Variants in ERG observed in about 807,000 individuals in gnomAD.
ERG encodes transcriptional regulator ERG.
Under a neutral mutation model 55.3 loss-of-function variants are expected in ERG, and 9 were observed. The observed-to-expected ratio is 0.16, with a 90% CI of 0.10 to 0.28. The LOEUF (loss-of-function observed/expected upper bound fraction) is 0.28. Among genes scored for constraint, ERG ranks in the 10% least tolerant of loss-of-function variants. The probability of loss-of-function intolerance (pLI) is 1.00; values close to 1 mark genes in which losing one functional copy is unlikely to be tolerated. For missense variants in ERG, 434 were observed against 631.6 expected (o/e 0.69, Z 3.35); for synonymous variants, 223 against 237.3 (o/e 0.94, Z 0.55).
intron 2 of ERG, among the ~76,000 whole-genome samples, chr21:38,556,953 G>A (rs1323484238): frequency 6.6e-6 from 1 of 152,140 alleles, no homozygotes; most frequent in Non-Finnish European, 1.5e-5. Flanking sequence ...CCTCAGCAGA[G>A]CCTAACCCAA....
Position 38,617,294 on chromosome 21 carries a change from A to T in ERG, c.-149-32349T>A, listed in dbSNP as rs1209012671. 1.3e-5 allele frequency among the ~76,000 whole-genome samples: 2 copies of T among 152,234 alleles called. 1 individual carries two copies. On this transcript the variant is annotated intron_variant, in intron 1 of 10. Transcript: ENST00000398910. ...GCTCATGGGGAAACACACCTCAGGC[A>T]TGAGGCACATTTTCTTTTCCAGCCC...
intron 2 of ERG, among the ~76,000 whole-genome samples, chr21:38,531,631 C>T (rs560655064): frequency 2.0e-5 from 3 of 152,296 alleles, no homozygotes; most frequent in East Asian, 1.9e-4. Flanking sequence ...ATATGTAGAA[C>T]AGCGGCAAGC....
At chr21:38,439,181 G>C (rs979417342) in intron 2 of ERG, among the ~76,000 whole-genome samples, 3 of 152,338 alleles carry the variant, frequency 2.0e-5, no homozygotes, top group Middle Eastern at 3.4e-3. Flanking sequence ...AAAGGGGAAG[G>C]TGCCACTTAG....
At chr21:38,569,782 C>T (rs184413181) in intron 2 of ERG, among the ~76,000 whole-genome samples, 203 of 152,090 alleles carry the variant, frequency 1.3e-3, no homozygotes, top group African/African-American at 4.5e-3. Context: ...ACACATATTA[C>T]GTTTCTCTGA....
intron 2 of ERG, among the ~76,000 whole-genome samples, chr21:38,523,228 T>C (rs2059607247): frequency 6.6e-6 from 1 of 152,204 alleles, no homozygotes; most frequent in Admixed American, 6.5e-5. Flanking sequence ...AATGTTTCTA[T>C]CCTGCCTGTG....
intron 2 of ERG, among the ~76,000 whole-genome samples, chr21:38,564,242 C>A (rs1467233720): frequency 1.3e-5 from 2 of 151,756 alleles, no homozygotes; most frequent in African/African-American, 4.8e-5. Flanking sequence ...TCTTTTATAT[C>A]TATTAAACAA....
upstream of ERG, among the ~76,000 whole-genome samples, chr21:38,589,669 G>A (rs1456788964): frequency 6.6e-6 from 1 of 152,194 alleles, no homozygotes; most frequent in East Asian, 1.9e-4. Context: ...ACTTGGAACT[G>A]TGAGAGCCAT....
chr21:38,513,873 T>C (rs1325622896), intron 2 of ERG, among the ~76,000 whole-genome samples: 2 of 152,098 alleles, frequency 1.3e-5, no homozygotes, highest in African/African-American at 2.4e-5. Flanking sequence ...AGATTAGTTA[T>C]GTGTAAGTCA....
chr21:38,443,975 T>C (rs1050653591), intron 2 of ERG, among the ~76,000 whole-genome samples: 2 of 152,146 alleles, frequency 1.3e-5, no homozygotes, highest in Admixed American at 6.5e-5. Flanking sequence ...AAGAAGCAGA[T>C]GCACAGACGC....
rs1305789763 is a variant in ERG, at chr21:38,556,685, C to T, written c.-41+18977G>A. ...TACATGCAATCTTCCATTCTTCTCC[C>T]ACCCACTGGCTGAAAAGAAAGGCTT... On this transcript the variant is annotated intron_variant, in intron 2 of 8. Coordinates refer to the ERG transcript ENST00000398897. Among the ~76,000 whole-genome samples, 5 of 152,210 alleles carry T rather than the reference C, an allele frequency of 3.3e-5. No individual in the cohort carries two copies. In the South Asian group the frequency reaches 1.0e-3, roughly 32 times the overall value.
At chr21:38,559,874 G>A (rs904216084) in intron 2 of ERG, among the ~76,000 whole-genome samples, 1 of 152,066 alleles carries the variant, frequency 6.6e-6, no homozygotes, top group African/African-American at 2.4e-5. Context: ...GTAGAGATGG[G>A]GTTTCACCAT....
intron 2 of ERG, among the ~76,000 whole-genome samples, chr21:38,506,837 C>T (rs895569142): frequency 1.3e-5 from 2 of 152,112 alleles, no homozygotes; most frequent in African/African-American, 4.8e-5. Context: ...AGGCTTCACC[C>T]ACTGCGGTTT....
intron 1 of ERG, among the ~76,000 whole-genome samples, chr21:38,582,353 A>C (rs2060035608): frequency 6.6e-6 from 1 of 152,242 alleles, no homozygotes; most frequent in African/African-American, 2.4e-5. Flanking sequence ...AACTTCCGGT[A>C]GTCAGTGTCA....
At chr21:38,538,392 A>G (rs917642239) in intron 2 of ERG, among the ~76,000 whole-genome samples, 7 of 152,146 alleles carry the variant, frequency 4.6e-5, no homozygotes, top group African/African-American at 1.4e-4. Flanking sequence ...TTAAAAAAAA[A>G]AGAAGATTCC....
intron 1 of ERG, among the ~76,000 whole-genome samples, chr21:38,472,446 T>C (rs1200573574): frequency 6.6e-6 from 1 of 152,204 alleles, no homozygotes; most frequent in Non-Finnish European, 1.5e-5. Flanking sequence ...TATTTTAGGA[T>C]CACCAGTTTA....
chr21:38,390,985 A>C lies in ERG; in HGVS notation c.919+10T>G, dbSNP rs755926846. 3.4e-5 allele frequency: 55 copies of C among 1,609,634 alleles called. No individual in the cohort carries two copies. The highest frequency in any genetic ancestry group is 4.7e-5 in the Non-Finnish European group (55 of 1,176,446). On this transcript the variant is annotated intron_variant, in intron 9 of 9. Coordinates refer to ENST00000288319, the MANE Select transcript of ERG (RefSeq NM_182918.4). Reference sequence around the variant, plus strand: ...ATTTTGTAAGAAGAAAATCATCAGCAGTTTCTCACCTGGATTTGCAAGGCG... The same window carrying C: ...ATTTTGTAAGAAGAAAATCATCAGCCGTTTCTCACCTGGATTTGCAAGGCG...
At chr21:38,522,980 ATGCAT>A (rs565736811) in intron 2 of ERG, among the ~76,000 whole-genome samples, 2 of 152,320 alleles carry the variant, frequency 1.3e-5, no homozygotes, top group East Asian at 3.9e-4. Context: ...TGGGGAAGAA[ATGCAT>A]TGTTCCATAT....
At chr21:38,474,908 C>T (rs1016529958) in intron 1 of ERG, among the ~76,000 whole-genome samples, 10 of 152,300 alleles carry the variant, frequency 6.6e-5, no homozygotes, top group Admixed American at 1.3e-4. Flanking sequence ...TAACATCTAA[C>T]ATTTAATAAC....
At chr21:38,440,284 G>A (rs577738493) in intron 2 of ERG, among the ~76,000 whole-genome samples, 2 of 152,242 alleles carry the variant, frequency 1.3e-5, no homozygotes, top group African/African-American at 2.4e-5. Context: ...TGCAGGTAGT[G>A]GAGCGTTGAG....
Sources: gnomAD v4.1 joint callset for allele counts (sites outside exome capture counted in the v4.1 genomes callset) on GRCh38, gnomAD v4.1.1 for gene constraint, MANE v1.5 for transcripts, NCBI Gene and HGNC (gene_info 2026-07-23, HGNC 2026-07-21) for gene names.